Variants in RIN2 observed in about 807,000 individuals in gnomAD.
RIN2 encodes RAB5 interacting protein 2.
A neutral mutation model predicts 78.0 loss-of-function variants in RIN2; 36 were observed. That is an observed-to-expected ratio of 0.46 (90% CI 0.35 to 0.61). The LOEUF (loss-of-function observed/expected upper bound fraction) is 0.61. Ranked by LOEUF, RIN2 falls within the 20% of genes least tolerant of loss-of-function variation. RIN2 has a pLI of 0.00. For synonymous variants in RIN2, 466 were observed against 466.8 expected (o/e 1.00, Z 0.02); for missense variants, 1,087 against 1,159.7 (o/e 0.94, Z 0.91).
Position 19,879,323 on chromosome 20 carries a change from G to T in RIN2, c.-36-10243G>T, listed in dbSNP as rs75470984. On this transcript the variant is annotated intron_variant, in intron 2 of 12. Transcript: ENST00000255006. Reference sequence around the variant, plus strand: ...AAATACTAAGTTATTTTGGAGAACTGTTACTTTCTTTATGCTTTTCCCTTG... The same window carrying T: ...AAATACTAAGTTATTTTGGAGAACTTTTACTTTCTTTATGCTTTTCCCTTG... Among the ~76,000 whole-genome samples, 210 of 152,250 alleles carry T rather than the reference G, an allele frequency of 1.4e-3. 1 individual carries two copies. The highest frequency in any genetic ancestry group is 4.8e-3 in the African/African-American group (199 of 41,566).
intron 3 of RIN2, among the ~76,000 whole-genome samples, chr20:19,924,716 CTTTTTTTTTTTTTTTTTT>C (rs869199855): frequency 9.1e-4 from 10 of 10,978 alleles, no homozygotes; most frequent in African/African-American, 4.2e-3. Flanking sequence ...ATCCCCACCT[CTTTTTTTTTTTTTTTTTT>C]TTTTTTTTTT....
chr20:19,980,643 A>G (rs2146343853), intron 9 of RIN2, among the ~76,000 whole-genome samples: 1 of 152,334 alleles, frequency 6.6e-6, no homozygotes, highest in South Asian at 2.1e-4. Context: ...AATGTCACCC[A>G]AAAGACACCT....
At chr20:19,829,703 GGCTGGGC>G (rs2122985380) in intron 2 of RIN2, among the ~76,000 whole-genome samples, 1 of 152,322 alleles carries the variant, frequency 6.6e-6, no homozygotes, top group African/African-American at 2.4e-5. Flanking sequence ...GTGGGGTTTA[GGCTGGGC>G]TTCCCAAGTG....
intron 2 of RIN2, among the ~76,000 whole-genome samples, chr20:19,878,998 G>A (rs569723306): frequency 6.6e-6 from 1 of 152,208 alleles, no homozygotes; most frequent in Non-Finnish European, 1.5e-5. Context: ...AGGATGGGGT[G>A]AGGTAGAACA....
chr20:19,839,279 G>A (rs563862667), intron 2 of RIN2, among the ~76,000 whole-genome samples: 4 of 152,346 alleles, frequency 2.6e-5, no homozygotes, highest in African/African-American at 7.2e-5. Context: ...ATAAAGGCCA[G>A]GATGGGACCT....
At chr20:19,802,133 C>G (rs566522333) in intron 2 of RIN2, among the ~76,000 whole-genome samples, 14 of 152,302 alleles carry the variant, frequency 9.2e-5, no homozygotes, top group Non-Finnish European at 1.9e-4. Flanking sequence ...TTAATCATCA[C>G]GACAGCCCTA....
chr20:19,912,475 C>CTT (rs545323465), intron 3 of RIN2, among the ~76,000 whole-genome samples: 2,326 of 110,890 alleles, frequency 0.021, 149 homozygotes, highest in East Asian at 0.14. Context: ...TTTTCTTTTT[C>CTT]TTTTTTTTTT....
Position 19,944,080 on chromosome 20 carries a change from T to C in RIN2, c.158+8881T>C, listed in dbSNP as rs145535790. Among the ~76,000 whole-genome samples the C allele has an allele frequency of 2.2e-4, 34 of 151,142 alleles. No homozygotes were observed. In the East Asian group the frequency reaches 2.6e-3, roughly 11 times the overall value. On this transcript the variant is annotated intron_variant, in intron 4 of 12. Coordinates refer to ENST00000255006, the MANE Select transcript of RIN2 (RefSeq NM_018993.4). ...ATGTCTGAAGGTGTTAAGAAATCAT[T>C]GGATATCAACTTCTATGTATTTTTG... is the stretch of plus-strand genomic sequence containing the variant.
At chr20:19,964,755 C>A (rs749469502) in intron 6 of RIN2, among the ~76,000 whole-genome samples, 197 bp from the exon 7 acceptor site, 1 of 152,168 alleles carries the variant, frequency 6.6e-6, no homozygotes, top group African/African-American at 2.4e-5. Context: ...ATGAGTCAAG[C>A]GATGAACTTC....
intron 3 of RIN2, among the ~76,000 whole-genome samples, chr20:19,933,152 C>T (rs2040501704): frequency 6.6e-6 from 1 of 152,232 alleles, no homozygotes; most frequent in South Asian, 2.1e-4. Context: ...CCCTTTCCAA[C>T]CACCTCAGTG....
Position 19,789,305 on chromosome 20 carries a change from A to G in RIN2, c.-162-10317A>G, listed in dbSNP as rs373953692. On this transcript the variant is annotated intron_variant, in intron 1 of 12. Transcript: ENST00000255006. ...AGGCTTAAATGTTAAAACTAAAACA[A>G]TTAACCTTCTAGAAAAAATACAAGA... Among the ~76,000 whole-genome samples, 848 of 152,348 alleles carry G rather than the reference A, an allele frequency of 5.6e-3. 9 individuals are homozygous for G. Among genetic ancestry groups the G allele is most frequent in the African/African-American group, 0.019 (809 of 41,582 alleles).
intron 3 of RIN2, among the ~76,000 whole-genome samples, chr20:19,899,368 T>G (rs1300880291): frequency 1.5e-4 from 23 of 152,222 alleles, no homozygotes; most frequent in Non-Finnish European, 1.8e-4. Context: ...TGGAGAATAA[T>G]TTCCCAGCAT....
intron 3 of RIN2, among the ~76,000 whole-genome samples, chr20:19,920,169 G>A (rs557849401): frequency 2.0e-5 from 3 of 151,874 alleles, no homozygotes; most frequent in South Asian, 2.1e-4. Context: ...GGTGGCGGGC[G>A]CCTATAGTCC....
At chr20:19,938,158 A>T (rs1039459437) in intron 4 of RIN2, among the ~76,000 whole-genome samples, 3 of 152,120 alleles carry the variant, frequency 2.0e-5, no homozygotes, top group African/African-American at 7.2e-5. Context: ...CCTGAACTCC[A>T]GCCCTGGAGA....
intron 3 of RIN2, among the ~76,000 whole-genome samples, chr20:19,901,104 G>T (rs756515457): frequency 1.3e-5 from 2 of 152,104 alleles, no homozygotes; most frequent in Non-Finnish European, 2.9e-5. Context: ...GTATTTCAAT[G>T]AGTGAACGGC....
chr20:19,856,601 GAAGA>G (rs1349702961), intron 2 of RIN2, among the ~76,000 whole-genome samples: 1 of 149,636 alleles, frequency 6.7e-6, no homozygotes, highest in East Asian at 2.0e-4. Flanking sequence ...AGGGAGGATG[GAAGA>G]AAGGAAGGAA....
In RIN2 at chr20:19,992,050, A is replaced by G. The variant is rs140118434; in HGVS notation, c.2069-118A>G. 2.8e-3 allele frequency: 3,430 copies of G among 1,211,984 alleles called. 15 individuals carry two copies. Among genetic ancestry groups the G allele is most frequent in the Non-Finnish European group, 2.5e-3 (2,180 of 887,038 alleles). 75.1% of individuals were successfully genotyped at this position (1,211,984 alleles called of 1,614,324 possible). Reference sequence around the variant, plus strand: ...ATTCCAGAAACACTCACCTCTGTTTATAAATAGCACAGTTCCCCCCAGAGT... The same window carrying G: ...ATTCCAGAAACACTCACCTCTGTTTGTAAATAGCACAGTTCCCCCCAGAGT... On this transcript the variant is annotated intron_variant, in intron 10 of 12. Coordinates refer to ENST00000255006, the MANE Select transcript of RIN2 (RefSeq NM_018993.4).
chr20:19,965,412 T>C (rs85263), intron 7 of RIN2, among the ~76,000 whole-genome samples: 43,204 of 151,716 alleles, frequency 0.28, 6,875 homozygotes, highest in East Asian at 0.54. Flanking sequence ...AAAGGGAATG[T>C]GCATGCAAAC....
chr20:19,975,544 T>C lies in RIN2; in HGVS notation c.1519T>C (p.Phe507Leu). 1 of 1,614,010 alleles carries C rather than the reference T, an allele frequency of 6.2e-7. No homozygotes were observed. Among genetic ancestry groups the C allele is most frequent in the Non-Finnish European group, 8.5e-7 (1 of 1,179,888 alleles). Reference protein sequence around the residue: ...LQKVSGVFSSFMTPEKRMVRR... With the variant: ...LQKVSGVFSSLMTPEKRMVRR... The stretch of plus-strand genomic sequence containing the variant: ...GAAGGTGAGCGGGGTGTTCAGCTCC[T>C]TCATGACCCCGGAGAAGCGGATGGT... The change falls in exon 9 of 13, where the codon TTC (phenylalanine) becomes CTC (leucine). Residue 507 changes from phenylalanine to leucine, a missense_variant. Transcript: ENST00000255006. This position sits in a 1 kb window ranked among gnomAD's most constrained non-coding sequence, Gnocchi z 4.9.
Sources: allele counts gnomAD v4.1 joint callset (sites outside exome capture counted in the v4.1 genomes callset), GRCh38; gene constraint gnomAD v4.1.1; non-coding constraint Gnocchi (gnomAD v3.1); transcripts MANE v1.5; gene names NCBI Gene and HGNC (gene_info 2026-07-23, HGNC 2026-07-21).